CYP3A43: variants seen among roughly 807,000 people sequenced by gnomAD.
CYP3A43 encodes cytochrome P450 family 3 subfamily A member 43.
A neutral mutation model predicts 58.0 loss-of-function variants in CYP3A43; 45 were observed. That is an observed-to-expected ratio of 0.78 (90% CI 0.61 to 0.99). The LOEUF is 0.99. Ranked by LOEUF, CYP3A43 falls within the 50% of genes least tolerant of loss-of-function variation. The pLI is 0.00. For missense variants in CYP3A43, 593 were observed against 591.9 expected (o/e 1.00, Z -0.02); for synonymous variants, 191 against 201.4 (o/e 0.95, Z 0.44).
At chr7:99,848,022 G>A in intron 5 of CYP3A43, 144 bp from the exon 6 acceptor site, 1 of 790,342 alleles carries the variant, frequency 1.3e-6, no homozygotes, top group Non-Finnish European at 2.0e-6. Context: ...AAAAAAAAGG[G>A]GCAGGGGGCG....
At chr7:99,830,755 A>C (rs1816810641) in intron 1 of CYP3A43, among the ~76,000 whole-genome samples, 1 of 152,112 alleles carries the variant, frequency 6.6e-6, no homozygotes, top group South Asian at 2.1e-4. Context: ...CCATTCTTTG[A>C]GTATCATATC....
At chr7:99,863,499 T>A in intron 11 of CYP3A43, 38 bp from the exon 12 acceptor site, 1 of 1,531,484 alleles carries the variant, frequency 6.5e-7, no homozygotes, top group South Asian at 1.3e-5. Context: ...AGTTTTTATG[T>A]TTCATTAACT....
At chr7:99,850,895 G>A (rs1023996570) in intron 7 of CYP3A43, among the ~76,000 whole-genome samples, 2 of 151,604 alleles carry the variant, frequency 1.3e-5, no homozygotes, top group African/African-American at 4.8e-5. Flanking sequence ...TGCGCTAGGT[G>A]TAGTGGCTCA....
chr7:99,841,499 G>C (rs1259119762), intron 3 of CYP3A43, among the ~76,000 whole-genome samples: 4 of 152,168 alleles, frequency 2.6e-5, no homozygotes. Context: ...CCAGGGTCAA[G>C]CAATTCCCCT....
intron 7 of CYP3A43, among the ~76,000 whole-genome samples, chr7:99,854,000 A>G (rs1369423774): frequency 6.6e-6 from 1 of 152,210 alleles, no homozygotes; most frequent in Non-Finnish European, 1.5e-5. Flanking sequence ...TCAAGCATTT[A>G]TCCATTGAAT....
chr7:99,848,449 C>T (rs1817622434), intron 6 of CYP3A43, among the ~76,000 whole-genome samples, 195 bp downstream of exon 6: 1 of 152,226 alleles, frequency 6.6e-6, no homozygotes, highest in Non-Finnish European at 1.5e-5. Flanking sequence ...AGGATCTTCT[C>T]CCCTGTGCAC....
chr7:99,830,137 C>T (rs1476841128), intron 1 of CYP3A43, among the ~76,000 whole-genome samples: 2 of 152,164 alleles, frequency 1.3e-5, no homozygotes, highest in Non-Finnish European at 2.9e-5. Context: ...TAGGAAGGGG[C>T]TTTCTCTGAA....
chr7:99,847,232 G>A (rs1584218724), intron 4 of CYP3A43, among the ~76,000 whole-genome samples: 1 of 151,956 alleles, frequency 6.6e-6, no homozygotes, highest in East Asian at 1.9e-4. Context: ...TGGAAACCAT[G>A]CATTTAAAAG....
intron 3 of CYP3A43, among the ~76,000 whole-genome samples, chr7:99,840,709 C>T (rs1359334757): frequency 1.3e-5 from 2 of 152,102 alleles, no homozygotes; most frequent in Admixed American, 1.3e-4. Flanking sequence ...AAACACAGGT[C>T]GCAGCTACCC....
At chr7:99,856,754 T>C in intron 8 of CYP3A43, 79 bp from the exon 9 acceptor site, 1 of 1,431,212 alleles carries the variant, frequency 7.0e-7, no homozygotes, top group Non-Finnish European at 9.8e-7. Flanking sequence ...TCAGGAGGGG[T>C]GCTTAGGACT....
intron 2 of CYP3A43, chr7:99,838,823 T>C (rs1316274208): frequency 3.8e-6 from 2 of 530,646 alleles, no homozygotes; most frequent in South Asian, 2.0e-5. Flanking sequence ...CTACTAAATA[T>C]ACAAAAATTA....
intron 1 of CYP3A43, among the ~76,000 whole-genome samples, chr7:99,834,499 A>C (rs531930701): frequency 9.3e-4 from 141 of 152,284 alleles, no homozygotes; most frequent in Non-Finnish European, 1.3e-3. Context: ...ATTGTTTCTA[A>C]CACACATTCC....
At chr7:99,850,670 T>G (rs961338033) in intron 7 of CYP3A43, among the ~76,000 whole-genome samples, 1 of 152,062 alleles carries the variant, frequency 6.6e-6, no homozygotes, top group East Asian at 1.9e-4. Context: ...AAAACCCCCC[T>G]CAGCTTTAAG....
At chr7:99,859,150 T>C (rs1458972520) in intron 9 of CYP3A43, among the ~76,000 whole-genome samples, 2 of 152,200 alleles carry the variant, frequency 1.3e-5, no homozygotes, top group Non-Finnish European at 2.9e-5. Context: ...TAATCCATGC[T>C]TCTCAAGCCA....
intron 11 of CYP3A43, 44 bp downstream of exon 11, chr7:99,861,883 T>C: frequency 6.5e-7 from 1 of 1,529,494 alleles, no homozygotes; most frequent in Non-Finnish European, 9.0e-7. Flanking sequence ...ACCAGCCTGA[T>C]TCAAGTATAT....
chr7:99,836,966 G>A (rs1447245417), intron 2 of CYP3A43, among the ~76,000 whole-genome samples: 1 of 152,052 alleles, frequency 6.6e-6, no homozygotes, highest in Non-Finnish European at 1.5e-5. Context: ...TTTTCACCAA[G>A]AGCTTTAGTA....
intron 12 of CYP3A43, 90 bp downstream of exon 12, chr7:99,863,789 T>A: frequency 9.2e-7 from 1 of 1,089,554 alleles, no homozygotes; most frequent in South Asian, 1.9e-5. Flanking sequence ...CATTTTTCAA[T>A]AATTTGCTCT....
chr7:99,849,338 G>T (rs1330429943), intron 6 of CYP3A43, among the ~76,000 whole-genome samples: 1 of 152,164 alleles, frequency 6.6e-6, no homozygotes, highest in Non-Finnish European at 1.5e-5. Flanking sequence ...TCACCTTAGT[G>T]TCTCCATCAC....
At chr7:99,860,760 A>C (rs1439631266) in intron 10 of CYP3A43, among the ~76,000 whole-genome samples, 1 of 152,230 alleles carries the variant, frequency 6.6e-6, no homozygotes, top group Non-Finnish European at 1.5e-5. Context: ...AACTCTCAGT[A>C]GCACTGAAAT....
Sources: allele counts gnomAD v4.1 joint callset (sites outside exome capture counted in the v4.1 genomes callset), GRCh38; gene constraint gnomAD v4.1.1; transcripts MANE v1.5; gene names NCBI Gene and HGNC (gene_info 2026-07-23, HGNC 2026-07-21).